RAB6B: variants seen among roughly 807,000 people sequenced by gnomAD.
RAB6B encodes ras-related protein Rab-6B.
A neutral mutation model predicts 31.2 loss-of-function variants in RAB6B; 7 were observed. The ratio of observed to expected loss-of-function variants is 0.22; its 90% CI spans 0.13 to 0.42. The LOEUF (loss-of-function observed/expected upper bound fraction) is 0.42. Among genes scored for constraint, RAB6B ranks in the 10% least tolerant of loss-of-function variants. The pLI, the probability that RAB6B is intolerant of heterozygous loss-of-function variation, is 1.00. For synonymous variants in RAB6B, 105 were observed against 104.9 expected, an observed-to-expected ratio of 1.00 and a Z score of -0.01; for missense variants, 149 against 280.6, an observed-to-expected ratio of 0.53 and a Z score of 3.35.
chr3:133,844,118 A>G (rs564879156), intron 2 of RAB6B, among the ~76,000 whole-genome samples: 5 of 152,330 alleles, frequency 3.3e-5, no homozygotes, highest in African/African-American at 1.2e-4. Context: ...CTGCTTCCAC[A>G]AAGGGCAGAG....
chr3:133,851,868 C>A (rs192815110), intron 2 of RAB6B, among the ~76,000 whole-genome samples: 75 of 152,310 alleles, frequency 4.9e-4, no homozygotes, highest in Non-Finnish European at 9.0e-4. Flanking sequence ...TGGGCTGACT[C>A]CTTTGGAGCA....
intron 2 of RAB6B, among the ~76,000 whole-genome samples, chr3:133,853,970 G>A (rs890514573): frequency 6.6e-6 from 1 of 152,220 alleles, no homozygotes; most frequent in Non-Finnish European, 1.5e-5. Context: ...AGCCCCATGA[G>A]ACCATCTTTG....
chr3:133,838,289 C>A, intron 5 of RAB6B, 30 bp from the exon 6 acceptor site: 1 of 1,595,694 alleles, frequency 6.3e-7, no homozygotes, highest in Non-Finnish European at 8.6e-7. Context: ...GGGAAATCAG[C>A]TCAGCAGAGA....
intron 6 of RAB6B, among the ~76,000 whole-genome samples, chr3:133,837,475 G>A (rs1935753902): frequency 6.6e-6 from 1 of 152,184 alleles, no homozygotes; most frequent in South Asian, 2.1e-4. Flanking sequence ...TAAAGCCATA[G>A]GCACTGCTAA....
rs965269840 is a variant in RAB6B, at chr3:133,895,301, C to A, written c.70+96G>T. ...TCTCCTCTACCCTGGCAAGGAGGGGCCTTTCCGAGCCTGGGCCGGGGGTCC... is the reference window on the plus strand; with the variant it reads ...TCTCCTCTACCCTGGCAAGGAGGGGACTTTCCGAGCCTGGGCCGGGGGTCC... On this transcript the variant is annotated intron_variant, in intron 1 of 7. Transcript: ENST00000285208. 3.1e-5 allele frequency: 41 copies of A among 1,318,926 alleles called. 1 individual carries two copies. The highest frequency in any genetic ancestry group is 4.2e-5 in the Non-Finnish European group (39 of 935,526). The allele number at this position is 1,318,926 out of a possible 1,614,324, so 81.7% of individuals were successfully genotyped here.
chr3:133,876,689 A>G (rs770284954), intron 1 of RAB6B, among the ~76,000 whole-genome samples: 4 of 152,242 alleles, frequency 2.6e-5, no homozygotes, highest in Non-Finnish European at 5.9e-5. Context: ...AACTATATCA[A>G]TTGCCAATAT....
chr3:133,839,323 T>C (rs111818226), intron 5 of RAB6B, among the ~76,000 whole-genome samples, 183 bp downstream of exon 5: 1,926 of 152,298 alleles, frequency 0.013, 41 homozygotes, highest in African/African-American at 0.044. Flanking sequence ...GCTTCACAGA[T>C]GAGATACCCA....
In RAB6B at chr3:133,895,388, G is replaced by T; in HGVS notation, c.70+9C>A. On this transcript the variant is annotated intron_variant, in intron 1 of 7. Transcript: ENST00000285208. ...GGCGACAAGCCAAGAGATTAAGCCG[G>T]GTACTTACCGCTCTGCTCCCCCAAG... 3.7e-6 allele frequency: 6 copies of T among 1,610,702 alleles called. No individual in the cohort carries two copies. The highest frequency in any genetic ancestry group is 5.1e-6 in the Non-Finnish European group (6 of 1,178,260).
At chr3:133,852,680 T>C (rs1218862606) in intron 2 of RAB6B, among the ~76,000 whole-genome samples, 4 of 142,064 alleles carry the variant, frequency 2.8e-5, no homozygotes, top group Non-Finnish European at 6.5e-5. Context: ...GATCTCACCA[T>C]GTTGCCCAGG....
chr3:133,893,622 G>A (rs948082264), intron 1 of RAB6B, among the ~76,000 whole-genome samples: 1 of 152,164 alleles, frequency 6.6e-6, no homozygotes, highest in African/African-American at 2.4e-5. Flanking sequence ...CCTACCAGGG[G>A]CCAGGCACTT....
Position 133,828,585 on chromosome 3 carries a change from G to T in RAB6B, c.*203C>A. Reference sequence around the variant, plus strand: ...TATATTACAACCAAACCAAAAAATAGTTGTTTAAGTAACAGCCGTTAAGAG... The same window carrying T: ...TATATTACAACCAAACCAAAAAATATTTGTTTAAGTAACAGCCGTTAAGAG... On this transcript the variant is annotated 3_prime_UTR_variant, in exon 8 of 8. Transcript: ENST00000285208. The T allele has an allele frequency of 3.1e-6, 2 of 646,148 alleles. No individual in the cohort carries two copies. Among genetic ancestry groups the T allele is most frequent in the South Asian group, 1.8e-5 (1 of 54,620 alleles). The allele number at this position is 646,148 out of a possible 1,614,324, so 40.0% of individuals were successfully genotyped here.
chr3:133,874,822 A>C (rs1936369280), intron 1 of RAB6B, among the ~76,000 whole-genome samples: 1 of 151,844 alleles, frequency 6.6e-6, no homozygotes, highest in Non-Finnish European at 1.5e-5. Flanking sequence ...TTACCTTTTA[A>C]ACTTTTTTTG....
Position 133,895,648 on chromosome 3 carries a change from G to A in RAB6B, c.-182C>T. 6.4e-6 allele frequency: 4 copies of A among 621,610 alleles called. No homozygotes were observed. The highest frequency in any genetic ancestry group is 2.0e-5 in the South Asian group (1 of 50,792). The allele number at this position is 621,610 out of a possible 1,614,324, so 38.5% of individuals were successfully genotyped here. A position where few individuals can be genotyped will look rare whatever the true frequency, so the allele number is the denominator to read the frequency against. On this transcript the variant is annotated 5_prime_UTR_variant, in exon 1 of 8. Coordinates refer to ENST00000285208, the MANE Select transcript of RAB6B (RefSeq NM_016577.4). ...CCGGCCTGCGGCTGCGTGTCCGGCGGCGGAGGAGGAGGAGGAGAGAGAGGC... is the reference window on the plus strand; with the variant it reads ...CCGGCCTGCGGCTGCGTGTCCGGCGACGGAGGAGGAGGAGGAGAGAGAGGC...
In RAB6B at chr3:133,849,778, A is replaced by G. The variant is rs1424095119; in HGVS notation, c.130-8115T>C. On this transcript the variant is annotated intron_variant, in intron 2 of 7. Transcript: ENST00000285208. ...CTACTGTCATAATCTTATGGTCATC[A>G]GCCATAATAGTTCAGCAGAGCCCAC... 2.0e-5 allele frequency among the ~76,000 whole-genome samples: 3 copies of G among 152,314 alleles called. No individual in the cohort carries two copies. In the South Asian group the frequency reaches 6.2e-4, roughly 32 times the overall value.
chr3:133,841,175 TGTGCACACACATGC>T lies in RAB6B; in HGVS notation c.289+96_289+109del, dbSNP rs1576395181. 32 of 726,654 alleles carry T rather than the reference TGTGCACACACATGC, an allele frequency of 4.4e-5. 1 individual carries two copies. The highest frequency in any genetic ancestry group is 3.0e-4 in the South Asian group (17 of 57,370). The allele number at this position is 726,654 out of a possible 1,614,324, so 45.0% of individuals were successfully genotyped here. On this transcript the variant is annotated intron_variant, in intron 4 of 7. Coordinates refer to ENST00000285208, the MANE Select transcript of RAB6B (RefSeq NM_016577.4). ...CAGGGAGCAATCGCACACACATGCG[TGTGCACACACATGC>T]GTGTGCACACACATGCACACAGGCC...
intron 1 of RAB6B, among the ~76,000 whole-genome samples, chr3:133,881,218 C>T (rs1936462635): frequency 6.6e-6 from 1 of 152,210 alleles, no homozygotes; most frequent in Admixed American, 6.5e-5. Context: ...TAAGGTTAGC[C>T]CTTCTCAAAA....
chr3:133,864,579 C>G lies in RAB6B; in HGVS notation c.129+5G>C. 1 of 1,613,808 alleles carries G rather than the reference C, an allele frequency of 6.2e-7. No individual in the cohort carries two copies. The highest frequency in any genetic ancestry group is 8.5e-7 in the Non-Finnish European group (1 of 1,179,682). On this transcript the variant is annotated splice_donor_5th_base_variant and intron_variant, in intron 2 of 7. Coordinates refer to ENST00000285208, the MANE Select transcript of RAB6B (RefSeq NM_016577.4). ...GATATGGAGGGTGAGCACCCAGGACCTCACCTGGTATGTGTTGTCGAAGCT... is the reference window on the plus strand; with the variant it reads ...GATATGGAGGGTGAGCACCCAGGACGTCACCTGGTATGTGTTGTCGAAGCT...
At chr3:133,867,136 T>C (rs574134270) in intron 1 of RAB6B, among the ~76,000 whole-genome samples, 34 of 152,334 alleles carry the variant, frequency 2.2e-4, no homozygotes, top group Non-Finnish European at 4.7e-4. Flanking sequence ...GGCAGTGGAT[T>C]AGCACTTGCT....
At chr3:133,860,448 G>A (rs1470039174) in intron 2 of RAB6B, among the ~76,000 whole-genome samples, 1 of 152,166 alleles carries the variant, frequency 6.6e-6, no homozygotes, top group African/African-American at 2.4e-5. Flanking sequence ...CTGAGAACAA[G>A]GCCCTCCATG....
Sources: allele counts gnomAD v4.1 joint callset (sites outside exome capture counted in the v4.1 genomes callset), GRCh38; gene constraint gnomAD v4.1.1; transcripts MANE v1.5; gene names NCBI Gene and HGNC (gene_info 2026-07-23, HGNC 2026-07-21).